Variants in KMT2A observed in about 807,000 individuals in gnomAD.
KMT2A encodes lysine methyltransferase 2A, also known as histone-lysine N-methyltransferase 2A.
A neutral mutation model predicts 345.3 loss-of-function variants in KMT2A; 16 were observed. That is an observed-to-expected ratio of 0.05 (90% CI 0.03 to 0.07). KMT2A has a LOEUF of 0.07. KMT2A is among the 10% of genes least tolerant of loss of function. The pLI, the probability that KMT2A is intolerant of heterozygous loss-of-function variation, is 1.00. For missense variants in KMT2A, 3,272 were observed against 4,841.6 expected (o/e 0.68, Z 9.62); for synonymous variants, 1,599 against 1,778.6 (o/e 0.90, Z 2.54).
rs577681070 is a variant in KMT2A, at chr11:118,471,914, G to T, written c.755G>T (p.Ser252Ile). Residue 252 changes from serine to isoleucine, a missense_variant, in exon 3 of 36, where the codon AGC becomes ATC. Around this residue, in one of 27 missense-constraint regions of KMT2A, gnomAD observed 412 missense variants for 511.0 expected, o/e 0.81. Coordinates refer to ENST00000534358, the MANE Select transcript of KMT2A (RefSeq NM_001197104.2). ...SELPKGNKEDSLKKIKRTPSA... is the reference protein window; with the variant it reads ...SELPKGNKEDILKKIKRTPSA... ...TTACCAAAGGGAAACAAAGAAGATA[G>T]CCTGAAAAAAATTAAAAGGACACCT... The T allele has an allele frequency of 5.0e-6, 8 of 1,613,886 alleles. No individual in the cohort carries two copies. The East Asian group carries it at 1.3e-4, about 27-fold the overall frequency.
At chr11:118,516,745 A>T (rs951381238) in intron 31 of KMT2A, among the ~76,000 whole-genome samples, 7 of 152,194 alleles carry the variant, frequency 4.6e-5, no homozygotes, top group Non-Finnish European at 4.4e-5. Flanking sequence ...AGCAGAACAG[A>T]TTGTTCCTTC....
intron 1 of KMT2A, among the ~76,000 whole-genome samples, chr11:118,462,168 G>C (rs1949756372): frequency 6.6e-6 from 1 of 152,088 alleles, no homozygotes; most frequent in Non-Finnish European, 1.5e-5. Context: ...TGGCCAGGCT[G>C]ATCTCGAACT....
rs1178732169 is a variant in KMT2A at position 118,493,647 on chromosome 11, G to C, written c.5178+417G>C. Among the ~76,000 whole-genome samples the C allele has an allele frequency of 6.6e-6, 1 of 152,086 alleles. No individual in the cohort carries two copies. Among genetic ancestry groups the C allele is most frequent in the Non-Finnish European group, 1.5e-5 (1 of 68,012 alleles). ...CTGTTAATTTTATGATTTTAAGTAT[G>C]TATAGGAAATGATTATTTATTATCT... On this transcript the variant is annotated intron_variant, in intron 16 of 35. Transcript: ENST00000534358. The surrounding 1 kb of genome is among the most constrained non-coding windows in gnomAD (Gnocchi z 5.8).
chr11:118,439,178 AAAAAG>A (rs1167540628), intron 1 of KMT2A: 3 of 405,928 alleles, frequency 7.4e-6, no homozygotes, highest in Non-Finnish European at 1.4e-5. Context: ...AAAAAAGAAA[AAAAAG>A]AAAAAACTGA....
chr11:118,452,703 G>T (rs1053389794), intron 1 of KMT2A, among the ~76,000 whole-genome samples: 1 of 147,876 alleles, frequency 6.8e-6, no homozygotes, highest in African/African-American at 2.5e-5. Flanking sequence ...GCGCCATCTC[G>T]GCTCACAGCA....
chr11:118,515,682 CTTTTTTTTTTT>C (rs11374365), intron 31 of KMT2A, among the ~76,000 whole-genome samples: 1 of 97,478 alleles, frequency 1.0e-5, no homozygotes. Flanking sequence ...TTTTTCTGTC[CTTTTTTTTTTT>C]TTTTTTTTTT....
chr11:118,521,473 A>C lies in KMT2A; in HGVS notation c.11643+56A>C. ...TTTTGTTTTGCTGTAGAAAGGGACC[A>C]GTATGACCCCTGGATCACAAAAGAA... On this transcript the variant is annotated intron_variant, in intron 35 of 35. Coordinates refer to ENST00000534358, the MANE Select transcript of KMT2A (RefSeq NM_001197104.2). The surrounding 1 kb of genome is among the most constrained non-coding windows in gnomAD (Gnocchi z 5.3). 6.3e-7 allele frequency: 1 copy of C among 1,592,370 alleles called. No individual in the cohort carries two copies. The highest frequency in any genetic ancestry group is 8.6e-7 in the Non-Finnish European group (1 of 1,162,724).
rs1950432374 is a variant in KMT2A, at chr11:118,497,737, T to A, written c.5665-199T>A. Among the ~76,000 whole-genome samples, 2 of 152,102 alleles carry A rather than the reference T, an allele frequency of 1.3e-5. No homozygotes were observed. The highest frequency in any genetic ancestry group is 2.1e-4 in the South Asian group (1 of 4,826). On this transcript the variant is annotated intron_variant, in intron 20 of 35. Coordinates refer to ENST00000534358, the MANE Select transcript of KMT2A (RefSeq NM_001197104.2). The surrounding 1 kb of genome is among the most constrained non-coding windows in gnomAD (Gnocchi z 4.8). ...CTAGATTTGTAAAATAGTTTCAGTCTATGGAAAAAGTAATCTTGAAAAGAA... is the reference window on the plus strand; with the variant it reads ...CTAGATTTGTAAAATAGTTTCAGTCAATGGAAAAAGTAATCTTGAAAAGAA...
chr11:118,520,329 C>A lies in KMT2A; in HGVS notation c.11429+265C>A. ...GCTTTGGTTGTACCACCATAGTTGT[C>A]ATGGTCAGAAAGTACTATATATACT... On this transcript the variant is annotated intron_variant, in intron 33 of 35. Transcript: ENST00000534358. This position sits in a 1 kb window ranked among gnomAD's most constrained non-coding sequence, Gnocchi z 4.3. 2.2e-6 allele frequency: 1 copy of A among 459,694 alleles called. No homozygotes were observed. Among genetic ancestry groups the A allele is most frequent in the Non-Finnish European group, 3.9e-6 (1 of 258,590 alleles). 28.5% of individuals were successfully genotyped at this position (459,694 alleles called of 1,614,324 possible).
At chr11:118,488,834 C>A in intron 11 of KMT2A, 74 bp downstream of exon 11, 1 of 1,412,944 alleles carries the variant, frequency 7.1e-7, no homozygotes, top group Non-Finnish European at 9.8e-7. Context: ...CTCAACCAAC[C>A]TTGGATTGAA....
At position 118,503,056 on chromosome 11, in the gene KMT2A, T is replaced by C. The variant is rs2134389475; in HGVS notation, c.7164T>C (p.Ser2388=). 1.2e-6 allele frequency: 2 copies of C among 1,613,132 alleles called. No individual in the cohort carries two copies. Among genetic ancestry groups the C allele is most frequent in the Non-Finnish European group, 1.7e-6 (2 of 1,179,994 alleles). The change falls in exon 27 of 36, where the codon TCT becomes TCC. Residue 2388 remains serine, a synonymous_variant. Transcript: ENST00000534358. This position sits in a 1 kb window ranked among gnomAD's most constrained non-coding sequence, Gnocchi z 5.3. ...QRNDRDQHTD[S]TQSANSSPDE... ...ATGATCGAGACCAACACACAGATTC[T>C]ACCCAATCAGCAAACTCCTCTCCAG...
rs143766206 is a variant in KMT2A at position 118,451,167 on chromosome 11, T to C, written c.432+14223T>C. On this transcript the variant is annotated intron_variant, in intron 1 of 35. Transcript: ENST00000534358. Reference sequence around the variant, plus strand: ...ATGACCAGCTACTGGGGCTCTACCATTGGAGACGTCCCTTCCCTCATGAAA... The same window carrying C: ...ATGACCAGCTACTGGGGCTCTACCACTGGAGACGTCCCTTCCCTCATGAAA... Among the ~76,000 whole-genome samples the C allele has an allele frequency of 3.2e-4, 49 of 152,042 alleles. 1 individual carries two copies. The highest frequency in any genetic ancestry group is 2.9e-3 in the East Asian group (15 of 5,184).
In KMT2A at chr11:118,522,268, C is replaced by G; in HGVS notation, c.*96C>G. On this transcript the variant is annotated 3_prime_UTR_variant, in exon 36 of 36. Transcript: ENST00000534358. This position sits in a 1 kb window ranked among gnomAD's most constrained non-coding sequence, Gnocchi z 5.4. Reference sequence around the variant, plus strand: ...CCAGCAGCTGGGAGCTCCCGGATTGCGTGGCACAGCTGAGGGGCCTCTGTG... The same window carrying G: ...CCAGCAGCTGGGAGCTCCCGGATTGGGTGGCACAGCTGAGGGGCCTCTGTG... The G allele has an allele frequency of 1.5e-6, 2 of 1,334,336 alleles. No homozygotes were observed. Among genetic ancestry groups the G allele is most frequent in the South Asian group, 1.3e-5 (1 of 74,206 alleles). 82.7% of individuals were successfully genotyped at this position (1,334,336 alleles called of 1,614,324 possible). A position where few individuals can be genotyped will look rare whatever the true frequency, so the allele number is the denominator to read the frequency against.
rs572793420 is a variant in KMT2A, at chr11:118,491,914, C to T, written c.4990C>T (p.Leu1664=). ...GAATTCTCGGACTACCAGCCATTTG[C>T]TACGCTACCGGCAGGTAGGCCAAGT... ...LLNSRTTSHL[L]RYRQAAKPPD... The change falls in exon 15 of 36, where the codon CTA becomes TTA. Residue 1664 remains leucine, a synonymous_variant. Transcript: ENST00000534358. The surrounding 1 kb of genome is among the most constrained non-coding windows in gnomAD (Gnocchi z 4.2). The T allele has an allele frequency of 1.3e-5, 21 of 1,613,164 alleles. No individual in the cohort carries two copies. The Admixed American group carries it at 1.3e-4, about 10-fold the overall frequency.
At position 118,495,845 on chromosome 11, in the gene KMT2A, G is replaced by C. The variant is rs1555043831; in HGVS notation, c.5509G>C (p.Glu1837Gln). 6.2e-7 allele frequency: 1 copy of C among 1,614,078 alleles called. No individual in the cohort carries two copies. The highest frequency in any genetic ancestry group is 8.5e-7 in the Non-Finnish European group (1 of 1,180,016). ...IPAPKPKGPG[E>Q]PDSPTPLHPP... The stretch of plus-strand genomic sequence containing the variant: ...AGCTCCCAAACCCAAAGGTCCTGGA[G>C]AACCAGACTCACCAACTCCTCTGCA... The change falls in exon 19 of 36, where the codon GAA becomes CAA. Residue 1837 changes from glutamate (E) to glutamine (Q), a missense_variant. This residue lies in a region of KMT2A where 235 missense variants were observed against 503.4 expected (regional missense o/e 0.47). Transcript: ENST00000534358. This position sits in a 1 kb window ranked among gnomAD's most constrained non-coding sequence, Gnocchi z 4.1.
At chr11:118,439,172 A>G (rs1565560514) in intron 1 of KMT2A, 5 of 403,972 alleles carry the variant, frequency 1.2e-5, no homozygotes, top group Non-Finnish European at 1.9e-5. Flanking sequence ...AAAAAAAAAA[A>G]AGAAAAAAAA....
At position 118,473,418 on chromosome 11, in the gene KMT2A, C is replaced by T. The variant is rs1555036434; in HGVS notation, c.2259C>T (p.His753=). Residue 753 remains histidine, a synonymous_variant, in exon 3 of 36, where the codon CAC becomes CAT. Transcript: ENST00000534358. This position sits in a 1 kb window ranked among gnomAD's most constrained non-coding sequence, Gnocchi z 5.2. ...PIRSEPRSPS[H]SMRTRSGRLS... ...GATCTGAACCAAGATCTCCTTCTCACTCCATGAGGACAAGAAGTGGAAGGC... is the reference window on the plus strand; with the variant it reads ...GATCTGAACCAAGATCTCCTTCTCATTCCATGAGGACAAGAAGTGGAAGGC... 5.0e-6 allele frequency: 8 copies of T among 1,614,188 alleles called. No homozygotes were observed. The highest frequency in any genetic ancestry group is 3.3e-5 in the South Asian group (3 of 91,080).
Position 118,524,881 on chromosome 11 carries a change from C to G in KMT2A, c.*2709C>G, listed in dbSNP as rs1334715775. On this transcript the variant is annotated 3_prime_UTR_variant, in exon 36 of 36. Coordinates refer to ENST00000534358, the MANE Select transcript of KMT2A (RefSeq NM_001197104.2). ...ATGCTGTACTGTGAGCCCCTCCTCA[C>G]TCTCTACCAACCCTAAACCCTGAGG... 2 of 193,178 alleles carry G rather than the reference C, an allele frequency of 1.0e-5. No homozygotes were observed. The highest frequency in any genetic ancestry group is 1.1e-5 in the Non-Finnish European group (1 of 92,462). The allele number at this position is 193,178 out of a possible 1,614,324, so 12.0% of individuals were successfully genotyped here. A position where few individuals can be genotyped will look rare whatever the true frequency, so the allele number is the denominator to read the frequency against.
rs919692191 is a variant in KMT2A at position 118,525,719 on chromosome 11, A to G, written c.*3547A>G. Reference sequence around the variant, plus strand: ...GTTCAATCAAATATCTGAAAATACTAAAGGTCAAAACCTTGTCAGATGTTA... The same window carrying G: ...GTTCAATCAAATATCTGAAAATACTGAAGGTCAAAACCTTGTCAGATGTTA... On this transcript the variant is annotated 3_prime_UTR_variant, in exon 36 of 36. Transcript: ENST00000534358. The G allele has an allele frequency of 2.2e-5, 5 of 230,602 alleles. No individual in the cohort carries two copies. The highest frequency in any genetic ancestry group is 4.3e-5 in the Non-Finnish European group (5 of 116,610). The allele number at this position is 230,602 out of a possible 1,614,324, so 14.3% of individuals were successfully genotyped here.
Sources: allele counts gnomAD v4.1 joint callset (sites outside exome capture counted in the v4.1 genomes callset), GRCh38; gene constraint gnomAD v4.1.1; regional missense constraint gnomAD v4.1.1; non-coding constraint Gnocchi (gnomAD v3.1); transcripts MANE v1.5; gene names NCBI Gene and HGNC (gene_info 2026-07-23, HGNC 2026-07-21).